Variants in CCDC63 observed in about 807,000 individuals in gnomAD.
CCDC63 encodes coiled-coil domain containing 63, also known as coiled-coil domain-containing protein 63.
Under a neutral mutation model 63.6 loss-of-function variants are expected in CCDC63, and 54 were observed. The observed-to-expected ratio is 0.85, with a 90% CI of 0.68 to 1.07. The LOEUF (loss-of-function observed/expected upper bound fraction) is 1.07. Ranked by LOEUF, CCDC63 falls within the 50% of genes least tolerant of loss-of-function variation. CCDC63 has a pLI of 0.00. For missense variants in CCDC63, 637 were observed against 689.6 expected, an observed-to-expected ratio of 0.92 and a Z score of 0.86; for synonymous variants, 253 against 266.1, an observed-to-expected ratio of 0.95 and a Z score of 0.48.
intron 1 of CCDC63, among the ~76,000 whole-genome samples, chr12:110,851,778 C>A (rs1021059707): frequency 2.6e-5 from 4 of 152,320 alleles, no homozygotes; most frequent in Admixed American, 2.6e-4. Context: ...GTGTACTGAG[C>A]ACTTACTACG....
intron 3 of CCDC63, 66 bp from the exon 4 acceptor site, chr12:110,858,520 G>T: frequency 6.9e-7 from 1 of 1,455,368 alleles, no homozygotes. Flanking sequence ...GGGCTGATGT[G>T]CCTGGAGTGC....
At chr12:110,867,553 G>A (rs1278306462) in intron 4 of CCDC63, among the ~76,000 whole-genome samples, 15 of 124,084 alleles carry the variant, frequency 1.2e-4, no homozygotes, top group East Asian at 2.5e-4. Flanking sequence ...CCTCCCGGAC[G>A]GGGCGGCTGG....
At chr12:110,902,003 G>C (rs2071494335) in intron 10 of CCDC63, among the ~76,000 whole-genome samples, 1 of 152,014 alleles carries the variant, frequency 6.6e-6, no homozygotes, top group African/African-American at 2.4e-5. Flanking sequence ...GCTAATTTTT[G>C]TATGTTTAAT....
At chr12:110,849,728 A>AC in intron 1 of CCDC63, among the ~76,000 whole-genome samples, 1 of 152,030 alleles carries the variant, frequency 6.6e-6, no homozygotes, top group African/African-American at 2.4e-5. Flanking sequence ...CAGTCTCCTG[A>AC]CCCCAAGTGA....
At chr12:110,869,664 G>A (rs140024655) in intron 4 of CCDC63, among the ~76,000 whole-genome samples, 9 of 152,248 alleles carry the variant, frequency 5.9e-5, no homozygotes, top group East Asian at 5.8e-4. Flanking sequence ...TGAAGTTTCC[G>A]GGACACTGGC....
intron 4 of CCDC63, among the ~76,000 whole-genome samples, chr12:110,863,223 G>A (rs78398471): frequency 0.05 from 7,665 of 152,104 alleles, 296 homozygotes; most frequent in East Asian, 0.15. Flanking sequence ...TGTGTGTCGG[G>A]GCAGGTGAAG....
intron 4 of CCDC63, 74 bp from the exon 5 acceptor site, chr12:110,873,768 G>A: frequency 6.4e-7 from 1 of 1,561,766 alleles, no homozygotes; most frequent in Non-Finnish European, 8.7e-7. Flanking sequence ...GCACACTTCA[G>A]TTAGTGAACT....
rs1333074075 is a variant in CCDC63, at chr12:110,867,685, G to A, written c.370-6157G>A. ...GCGCCCCTCACCTCCCAGACGGGGC[G>A]GCTGGCCGGGCGGAGGGCTGACCCC... On this transcript the variant is annotated intron_variant, in intron 4 of 11. Coordinates refer to ENST00000308208, the MANE Select transcript of CCDC63 (RefSeq NM_152591.3). 6.0e-4 allele frequency among the ~76,000 whole-genome samples: 68 copies of A among 113,626 alleles called. No homozygotes were observed. The South Asian group carries it at 0.013, about 22-fold the overall frequency. The allele number at this position is 113,626 out of a possible 152,430, so 74.5% of individuals were successfully genotyped here. A position where few individuals can be genotyped will look rare whatever the true frequency, so the allele number is the denominator to read the frequency against.
intron 4 of CCDC63, among the ~76,000 whole-genome samples, chr12:110,871,538 TCCTC>T (rs1252206732): frequency 6.7e-6 from 1 of 148,894 alleles, no homozygotes; most frequent in Non-Finnish European, 1.5e-5. Context: ...TTTCCTTCCT[TCCTC>T]CCTCCCTCCC....
chr12:110,876,970 T>C lies in CCDC63; in HGVS notation c.490-2936T>C, dbSNP rs115315125. On this transcript the variant is annotated intron_variant, in intron 5 of 11. Coordinates refer to ENST00000308208, the MANE Select transcript of CCDC63 (RefSeq NM_152591.3). ...GAGGTGGGAGGATCACTTGAGCCTGTGATTGCACCATTTTATTCCAGCCTG... is the reference window on the plus strand; with the variant it reads ...GAGGTGGGAGGATCACTTGAGCCTGCGATTGCACCATTTTATTCCAGCCTG... Among the ~76,000 whole-genome samples the C allele has an allele frequency of 5.2e-3, 796 of 151,908 alleles. 7 individuals are homozygous for C. The highest frequency in any genetic ancestry group is 0.019 in the African/African-American group (770 of 41,462).
intron 4 of CCDC63, among the ~76,000 whole-genome samples, chr12:110,872,521 A>G (rs988391679): frequency 2.0e-5 from 3 of 152,252 alleles, no homozygotes; most frequent in Non-Finnish European, 4.4e-5. Flanking sequence ...CAAATCGAAG[A>G]ATAATCTTCT....
chr12:110,873,024 A>C (rs1304095619), intron 4 of CCDC63, among the ~76,000 whole-genome samples: 1 of 152,186 alleles, frequency 6.6e-6, no homozygotes, highest in Admixed American at 6.5e-5. Flanking sequence ...ACTTGAGGCC[A>C]GGAGTTCGAA....
intron 4 of CCDC63, among the ~76,000 whole-genome samples, chr12:110,872,036 TTATAA>T (rs1323286314): frequency 1.3e-5 from 2 of 152,234 alleles, no homozygotes; most frequent in Admixed American, 6.5e-5. Flanking sequence ...GATGCCTTAA[TTATAA>T]TATAAGGAAG....
intron 5 of CCDC63, among the ~76,000 whole-genome samples, chr12:110,878,877 C>G (rs992545645): frequency 2.6e-5 from 4 of 152,014 alleles, no homozygotes; most frequent in African/African-American, 9.7e-5. Context: ...CCAATCACAT[C>G]GCCTTTAAAA....
At position 110,906,009 on chromosome 12, in the gene CCDC63, AATATAAT is replaced by A. The variant is rs2071570557; in HGVS notation, c.1546+1224_1546+1230del. ...TATATTATTATAATATATATTATAT[AATATAAT>A]ATATATTATATATTATAATAATATA... is the stretch of plus-strand genomic sequence containing the variant. On this transcript the variant is annotated intron_variant, in intron 11 of 11. Transcript: ENST00000308208. Among the ~76,000 whole-genome samples the A allele has an allele frequency of 4.1e-5, 2 of 49,210 alleles. 1 individual carries two copies. Among genetic ancestry groups the A allele is most frequent in the Non-Finnish European group, 7.5e-5 (2 of 26,640 alleles). 32.3% of individuals were successfully genotyped at this position (49,210 alleles called of 152,430 possible).
chr12:110,852,350 C>T (rs891267144), intron 1 of CCDC63, among the ~76,000 whole-genome samples: 1 of 152,058 alleles, frequency 6.6e-6, no homozygotes, highest in African/African-American at 2.4e-5. Context: ...ATCTTTGCCT[C>T]CAGGGTTCAA....
At chr12:110,891,164 G>C (rs2071351803) in intron 8 of CCDC63, among the ~76,000 whole-genome samples, 1 of 151,968 alleles carries the variant, frequency 6.6e-6, no homozygotes, top group Non-Finnish European at 1.5e-5. Flanking sequence ...GCACATTCCA[G>C]GCTGGGTGTG....
intron 4 of CCDC63, among the ~76,000 whole-genome samples, chr12:110,859,553 G>A (rs987372078): frequency 6.6e-6 from 1 of 151,930 alleles, no homozygotes; most frequent in Admixed American, 6.6e-5. Context: ...TGATCTTCCC[G>A]CCTCGGCCTC....
chr12:110,859,142 A>G (rs2070818145), intron 4 of CCDC63, among the ~76,000 whole-genome samples: 1 of 152,160 alleles, frequency 6.6e-6, no homozygotes, highest in African/African-American at 2.4e-5. Context: ...CTTGTTGATG[A>G]CACGTAACTG....
Sources: allele counts gnomAD v4.1 joint callset (sites outside exome capture counted in the v4.1 genomes callset), GRCh38; gene constraint gnomAD v4.1.1; transcripts MANE v1.5; gene names NCBI Gene and HGNC (gene_info 2026-07-23, HGNC 2026-07-21).